KIAA1549L: variants seen among roughly 807,000 people sequenced by gnomAD.
KIAA1549L encodes KIAA1549 like, also known as UPF0606 protein KIAA1549L.
A neutral mutation model predicts 160.7 loss-of-function variants in KIAA1549L; 88 were observed. The ratio of observed to expected loss-of-function variants is 0.55; its 90% confidence interval spans 0.46 to 0.65. The LOEUF (loss-of-function observed/expected upper bound fraction) is 0.65. Ranked by LOEUF, KIAA1549L falls within the 30% of genes least tolerant of loss-of-function variation. The pLI is 0.00. For missense variants in KIAA1549L, 2,258 were observed against 2,437.5 expected, an observed-to-expected ratio of 0.93 and a Z score of 1.55; for synonymous variants, 950 against 976.7, an observed-to-expected ratio of 0.97 and a Z score of 0.51.
chr11:33,618,414 A>G lies in KIAA1549L; in HGVS notation c.5280-119A>G, dbSNP rs187689234. On this transcript the variant is annotated intron_variant, in intron 15 of 20. Transcript: ENST00000658780. ...TATATCCTGGGAATAAATGCCATCAATTCTGAGATTTGTGAGGCAAATCCA... is the reference window on the plus strand; with the variant it reads ...TATATCCTGGGAATAAATGCCATCAGTTCTGAGATTTGTGAGGCAAATCCA... 6 of 844,132 alleles carry G rather than the reference A, an allele frequency of 7.1e-6. No individual in the cohort carries two copies. In the Admixed American group the frequency reaches 9.6e-5, roughly 14 times the overall value. The allele number at this position is 844,132 out of a possible 1,614,324, so 52.3% of individuals were successfully genotyped here. A position where few individuals can be genotyped will look rare whatever the true frequency, so the allele number is the denominator to read the frequency against.
chr11:33,435,792 A>ATGTGTGTGTGTGTGTGTGTGTGTGTG (rs1433325636), intron 1 of KIAA1549L, among the ~76,000 whole-genome samples: 7 of 13,048 alleles, frequency 5.4e-4, no homozygotes, highest in African/African-American at 2.6e-3. Context: ...ATATATATAT[A>ATGTGTGTGTGTGTGTGTGTGTGTGTG]TATATATATA....
intron 1 of KIAA1549L, among the ~76,000 whole-genome samples, chr11:33,522,213 GCAAT>G (rs1853512029): frequency 6.6e-6 from 1 of 152,030 alleles, no homozygotes; most frequent in African/African-American, 2.4e-5. Context: ...AGTCTTAGAG[GCAAT>G]CAGTTTAATC....
intron 1 of KIAA1549L, among the ~76,000 whole-genome samples, chr11:33,456,507 CTGAGG>C (rs1851825199): frequency 1.3e-5 from 2 of 152,038 alleles, no homozygotes; most frequent in Non-Finnish European, 2.9e-5. Flanking sequence ...ACCTTCCACA[CTGAGG>C]TGATCCTCTC....
At chr11:33,608,240 A>G (rs1459476977) in intron 14 of KIAA1549L, among the ~76,000 whole-genome samples, 1 of 152,230 alleles carries the variant, frequency 6.6e-6, no homozygotes, top group East Asian at 1.9e-4. Flanking sequence ...TGAAGATCAA[A>G]TTGTTTAATA....
intron 1 of KIAA1549L, among the ~76,000 whole-genome samples, chr11:33,466,531 TA>T (rs1392600862): frequency 6.6e-6 from 1 of 152,216 alleles, no homozygotes; most frequent in East Asian, 1.9e-4. Flanking sequence ...GAGTGTAAAC[TA>T]GTTCAACCAT....
At chr11:33,547,112 C>G (rs1333303053) in intron 3 of KIAA1549L, among the ~76,000 whole-genome samples, 3 of 152,246 alleles carry the variant, frequency 2.0e-5, no homozygotes, top group Admixed American at 2.0e-4. Flanking sequence ...GCTTGGTACT[C>G]CCTCTGCTGA....
intron 13 of KIAA1549L, chr11:33,599,534 A>G (rs754656250): frequency 2.0e-5 from 3 of 152,088 alleles, no homozygotes; most frequent in Non-Finnish European, 4.4e-5. Context: ...AAAAAGTTAT[A>G]TGCTTCTGTC....
At chr11:33,418,658 TTC>T (rs1850935930) in intron 1 of KIAA1549L, among the ~76,000 whole-genome samples, 1 of 152,176 alleles carries the variant, frequency 6.6e-6, no homozygotes, top group Admixed American at 6.5e-5. Context: ...TTGCAAACCA[TTC>T]TTCTGTAGTT....
At chr11:33,558,216 C>G (rs544888071) in intron 6 of KIAA1549L, among the ~76,000 whole-genome samples, 1 of 152,102 alleles carries the variant, frequency 6.6e-6, no homozygotes, top group African/African-American at 2.4e-5. Context: ...AGTGTCCTGA[C>G]AGGAAAAGGA....
chr11:33,555,170 G>A (rs4755706), intron 6 of KIAA1549L, among the ~76,000 whole-genome samples: 106,912 of 151,876 alleles, frequency 0.7, 38,958 homozygotes, highest in African/African-American at 0.91. Context: ...TATTAAAGAA[G>A]ACAAATAAAT....
At chr11:33,520,582 C>T (rs763277207) in intron 1 of KIAA1549L, among the ~76,000 whole-genome samples, 3 of 151,966 alleles carry the variant, frequency 2.0e-5, no homozygotes, top group South Asian at 2.1e-4. Context: ...GCTACACATG[C>T]TGTCATTATT....
intron 1 of KIAA1549L, among the ~76,000 whole-genome samples, chr11:33,390,487 C>A (rs1727894955): frequency 6.6e-6 from 1 of 152,220 alleles, no homozygotes; most frequent in African/African-American, 2.4e-5. Flanking sequence ...CGCCCACCAT[C>A]AAGACTCTGC....
chr11:33,420,224 G>GTTTT (rs1353589141), intron 1 of KIAA1549L, among the ~76,000 whole-genome samples: 74 of 104,538 alleles, frequency 7.1e-4, no homozygotes, highest in East Asian at 3.6e-3. Context: ...GTATCTCAAA[G>GTTTT]TTTTTTTTTT....
chr11:33,423,396 G>C (rs1392049155), intron 1 of KIAA1549L, among the ~76,000 whole-genome samples: 1 of 152,166 alleles, frequency 6.6e-6, no homozygotes, highest in East Asian at 1.9e-4. Context: ...GAAATCAGCA[G>C]TTTATAAATG....
chr11:33,613,575 C>G (rs1488949613), intron 15 of KIAA1549L, among the ~76,000 whole-genome samples: 1 of 152,152 alleles, frequency 6.6e-6, no homozygotes, highest in Non-Finnish European at 1.5e-5. Context: ...GCCATACACT[C>G]TTAAACAACC....
rs1346740778 is a variant in KIAA1549L, at chr11:33,544,995, A to G, written c.3002A>G (p.His1001Arg). 3 of 1,613,908 alleles carry G rather than the reference A, an allele frequency of 1.9e-6. No individual in the cohort carries two copies. Among genetic ancestry groups the G allele is most frequent in the African/African-American group, 1.3e-5 (1 of 74,926 alleles). ...CCAAAGAGGACACCAGGGGCAGTCC[A>G]TACAGCCTTCCCATTCACACCAACC... ...SGPKRTPGAV[H>R]TAFPFTPTYM... The change falls in exon 3 of 21, where the codon CAT (histidine) becomes CGT (arginine). Residue 1001 changes from histidine (H) to arginine (R), a missense_variant. Coordinates refer to ENST00000658780, the MANE Select transcript of KIAA1549L (RefSeq NM_012194.3).
rs1590336394 is a variant in KIAA1549L at position 33,552,151 on chromosome 11, G to A, written c.3765G>A (p.Lys1255=). The A allele has an allele frequency of 6.2e-7, 1 of 1,613,300 alleles. No homozygotes were observed. The highest frequency in any genetic ancestry group is 2.2e-5 in the East Asian group (1 of 44,840). ...VSQADNIQSC[K]FAQTMEQRLQ... The stretch of plus-strand genomic sequence containing the variant: ...AAGCGGACAACATACAGTCCTGCAA[G>A]TTTGCTCAGACAATGGAACAGAGGC... The change falls in exon 6 of 21, where the codon AAG becomes AAA. Residue 1255 remains lysine, a synonymous_variant. Transcript: ENST00000658780.
At chr11:33,449,297 C>T (rs965007949) in intron 1 of KIAA1549L, among the ~76,000 whole-genome samples, 1 of 151,834 alleles carries the variant, frequency 6.6e-6, no homozygotes, top group African/African-American at 2.4e-5. Context: ...TGATTTCTCA[C>T]ACTTTTTCTT....
intron 1 of KIAA1549L, among the ~76,000 whole-genome samples, chr11:33,490,423 A>G (rs1852631318): frequency 6.6e-6 from 1 of 151,244 alleles, no homozygotes; most frequent in African/African-American, 2.4e-5. Flanking sequence ...CTCTGGGCTC[A>G]AGTGATCCTC....
Sources: allele counts gnomAD v4.1 joint callset (sites outside exome capture counted in the v4.1 genomes callset), GRCh38; gene constraint gnomAD v4.1.1; transcripts MANE v1.5; gene names NCBI Gene and HGNC (gene_info 2026-07-23, HGNC 2026-07-21).